CCN5: variants seen among roughly 807,000 people sequenced by gnomAD.
CCN5 encodes the protein cellular communication network factor 5.
Under a neutral mutation model 18.7 loss-of-function variants are expected in CCN5, and 17 were observed. The ratio of observed to expected loss-of-function variants is 0.91; its 90% CI spans 0.62 to 1.36. The LOEUF (loss-of-function observed/expected upper bound fraction) is 1.36, where lower values mean the gene tolerates loss of function less well. Ranked by LOEUF, CCN5 falls within the 40% of genes most tolerant of loss-of-function variation. The probability of loss-of-function intolerance (pLI) is 0.00; values close to 1 mark genes in which losing one functional copy is unlikely to be tolerated. For synonymous variants in CCN5, 135 were observed against 145.2 expected, an observed-to-expected ratio of 0.93 and a Z score of 0.50; for missense variants, 367 against 342.9, an observed-to-expected ratio of 1.07 and a Z score of -0.56.
chr20:44,718,961 CTGATG>C lies in CCN5; in HGVS notation c.61-929_61-925del, dbSNP rs2065878913. Reference sequence around the variant, plus strand: ...GTCTGTATTTTCCCAAGTCTCCTGGCTGATGTGATGTACCTCCAGAGCTGGGACAC... The same window carrying C: ...GTCTGTATTTTCCCAAGTCTCCTGGCTGATGTACCTCCAGAGCTGGGACAC... On this transcript the variant is annotated intron_variant, in intron 1 of 3. Coordinates refer to ENST00000190983, the MANE Select transcript of CCN5 (RefSeq NM_003881.4). Among the ~76,000 whole-genome samples the C allele has an allele frequency of 2.0e-5, 3 of 152,184 alleles. No homozygotes were observed. The South Asian group carries it at 6.2e-4, about 32-fold the overall frequency.
At chr20:44,720,366 C>A in intron 2 of CCN5, 1 of 523,660 alleles carries the variant, frequency 1.9e-6, no homozygotes, top group Non-Finnish European at 3.3e-6. Context: ...TCATTGCCAA[C>A]TTTCAAAGCC....
upstream of CCN5, chr20:44,715,224 T>A: frequency 1.8e-6 from 1 of 555,640 alleles, no homozygotes; most frequent in Non-Finnish European, 3.1e-6. Flanking sequence ...AAAAAGCTAG[T>A]GTGTTTGTGT....
intron 1 of CCN5, among the ~76,000 whole-genome samples, chr20:44,717,885 GAAA>G (rs60571299): frequency 1.1e-5 from 1 of 90,208 alleles, no homozygotes. Context: ...TCTCAAAAAA[GAAA>G]AAAAAAAAAA....
At chr20:44,715,913 G>C (rs2065856752) in intron 1 of CCN5, among the ~76,000 whole-genome samples, 1 of 152,248 alleles carries the variant, frequency 6.6e-6, no homozygotes, top group African/African-American at 2.4e-5. Flanking sequence ...CTCTTAGGCA[G>C]TGAGTGACCC....
chr20:44,715,140 G>A (rs2065846699), upstream of CCN5: 1 of 520,212 alleles, frequency 1.9e-6, no homozygotes, highest in Non-Finnish European at 3.5e-6. Context: ...CCCCTTGGTG[G>A]CCTTCACAGT....
chr20:44,720,229 T>A (rs1349290247), intron 2 of CCN5, 116 bp downstream of exon 2: 1 of 1,110,872 alleles, frequency 9.0e-7, no homozygotes, highest in Non-Finnish European at 1.3e-6. Flanking sequence ...TCACTTCAGG[T>A]ATCCCATCCA....
At position 44,727,550 on chromosome 20, in the gene CCN5, A is replaced by C; in HGVS notation, c.*243A>C. 1.5e-6 allele frequency: 2 copies of C among 1,364,536 alleles called. No homozygotes were observed. The highest frequency in any genetic ancestry group is 1.9e-6 in the Non-Finnish European group (2 of 1,057,048). The allele number at this position is 1,364,536 out of a possible 1,614,324, so 84.5% of individuals were successfully genotyped here. A position where few individuals can be genotyped will look rare whatever the true frequency, so the allele number is the denominator to read the frequency against. On this transcript the variant is annotated 3_prime_UTR_variant, in exon 4 of 4. Coordinates refer to ENST00000190983, the MANE Select transcript of CCN5 (RefSeq NM_003881.4). ...AACTCACTGCCTAGGAGGCTGGCCA[A>C]GGTGTCCAGGGTCCTCTAGCCCACT... is the stretch of plus-strand genomic sequence containing the variant.
chr20:44,727,220 C>T lies in CCN5; in HGVS notation c.666C>T (p.Phe222=), dbSNP rs1259604903. The T allele has an allele frequency of 6.2e-7, 1 of 1,613,780 alleles. No individual in the cohort carries two copies. The highest frequency in any genetic ancestry group is 1.3e-5 in the African/African-American group (1 of 75,066). ...CCCGGGTGTCCAACCAGAACCGCTTCTGCCGACTGGAGACCCAGCGCCGCC... is the reference window on the plus strand; with the variant it reads ...CCCGGGTGTCCAACCAGAACCGCTTTTGCCGACTGGAGACCCAGCGCCGCC... ...MATRVSNQNR[F]CRLETQRRLC... The change falls in exon 4 of 4, where the codon TTC becomes TTT. Residue 222 remains phenylalanine (F), a synonymous_variant. Transcript: ENST00000190983.
chr20:44,727,113 T>A lies in CCN5; in HGVS notation c.559T>A (p.Ser187Thr), dbSNP rs1425026800. The A allele has an allele frequency of 6.2e-7, 1 of 1,602,908 alleles. No homozygotes were observed. The highest frequency in any genetic ancestry group is 1.7e-5 in the Admixed American group (1 of 59,186). Residue 187 changes from serine to threonine, a missense_variant, in exon 4 of 4, where the codon TCC (serine) becomes ACC (threonine). Physicochemically the swap from Ser to Thr is moderately conservative, Grantham distance 58 (BLOSUM62 1). Transcript: ENST00000190983. ...QGPQFSGLVS[S>T]LPPGVPCPEW... Reference sequence around the variant, plus strand: ...ACCCCAGTTTTCTGGCCTTGTCTCTTCCCTGCCCCCTGGTGTCCCCTGCCC... The same window carrying A: ...ACCCCAGTTTTCTGGCCTTGTCTCTACCCTGCCCCCTGGTGTCCCCTGCCC...
intron 1 of CCN5, among the ~76,000 whole-genome samples, chr20:44,715,720 T>C (rs1306906792): frequency 6.6e-6 from 1 of 152,250 alleles, no homozygotes; most frequent in South Asian, 2.1e-4. Flanking sequence ...GTGAGGCCTC[T>C]GTGAAGACCA....
chr20:44,723,056 C>T (rs970386220), intron 2 of CCN5, among the ~76,000 whole-genome samples: 1 of 152,120 alleles, frequency 6.6e-6, no homozygotes, highest in African/African-American at 2.4e-5. Flanking sequence ...AAAGTCCCCA[C>T]AGTGGCCTAC....
At position 44,720,050 on chromosome 20, in the gene CCN5, G is replaced by A. The variant is rs373038924; in HGVS notation, c.214G>A (p.Ala72Thr). 1.9e-5 allele frequency: 30 copies of A among 1,590,582 alleles called. No homozygotes were observed. The highest frequency in any genetic ancestry group is 1.4e-4 in the East Asian group (6 of 44,332). ...EPCDQLHVCD[A>T]SQGLVCQPGA... The stretch of plus-strand genomic sequence containing the variant: ...CTGCGACCAACTCCACGTCTGCGAC[G>A]CCAGCCAGGGCCTGGTCTGCCAGCC... The change falls in exon 2 of 4, where the codon GCC becomes ACC. Residue 72 changes from alanine to threonine, a missense_variant. Ala to Thr is a moderately conservative substitution (Grantham distance 58). Coordinates refer to ENST00000190983, the MANE Select transcript of CCN5 (RefSeq NM_003881.4).
intron 2 of CCN5, chr20:44,723,952 CAG>C (rs1238302288): frequency 6.6e-6 from 1 of 152,272 alleles, no homozygotes; most frequent in Non-Finnish European, 1.5e-5. Flanking sequence ...CCGGAGGGTG[CAG>C]AGACGCACAC....
intron 2 of CCN5, among the ~76,000 whole-genome samples, chr20:44,722,630 C>T (rs1378977521): frequency 2.0e-5 from 3 of 152,042 alleles, no homozygotes; most frequent in African/African-American, 4.8e-5. Context: ...CCATGCCTCG[C>T]TAATTTTTGT....
chr20:44,726,119 G>A lies in CCN5; in HGVS notation c.533-968G>A, dbSNP rs909269157. ...ACAATAAGAGCATCCACTTCATAGC[G>A]TTGTGAGAACTACTTGAGTTTGTTC... On this transcript the variant is annotated intron_variant, in intron 3 of 3. Coordinates refer to ENST00000190983, the MANE Select transcript of CCN5 (RefSeq NM_003881.4). Among the ~76,000 whole-genome samples the A allele has an allele frequency of 8.5e-5, 13 of 152,258 alleles. No homozygotes were observed. The South Asian group carries it at 1.2e-3, about 15-fold the overall frequency.
chr20:44,715,322 C>T (rs6094025), upstream of CCN5: 1 of 1,516,098 alleles, frequency 6.6e-7, no homozygotes, highest in African/African-American at 1.4e-5. Context: ...TGGGAGTGAC[C>T]TCACAGCTGC....
rs73286424 is a variant in CCN5, at chr20:44,726,452, G to T, written c.533-635G>T. Among the ~76,000 whole-genome samples the T allele has an allele frequency of 2.5e-3, 379 of 152,188 alleles. 2 individuals carry two copies. The highest frequency in any genetic ancestry group is 0.01 in the Middle Eastern group (3 of 294). On this transcript the variant is annotated intron_variant, in intron 3 of 3. Coordinates refer to ENST00000190983, the MANE Select transcript of CCN5 (RefSeq NM_003881.4). ...GGGCAAGTAATTATTTGTTGGGGGGGTTTTCCTGTGCACTGCAGGGTGCTT... is the reference window on the plus strand; with the variant it reads ...GGGCAAGTAATTATTTGTTGGGGGGTTTTTCCTGTGCACTGCAGGGTGCTT...
Position 44,726,945 on chromosome 20 carries a change from G to A in CCN5, c.533-142G>A, listed in dbSNP as rs546205299. The stretch of plus-strand genomic sequence containing the variant: ...ATTATTTTATTCAATGCCATCCACT[G>A]TTAAGAAATTTACATAACAAGAAAC... On this transcript the variant is annotated intron_variant, in intron 3 of 3. Transcript: ENST00000190983. The A allele has an allele frequency of 1.3e-4, 102 of 807,096 alleles. No homozygotes were observed. In the East Asian group the frequency reaches 2.4e-3, roughly 19 times the overall value. 50.0% of individuals were successfully genotyped at this position (807,096 alleles called of 1,614,324 possible). A position where few individuals can be genotyped will look rare whatever the true frequency, so the allele number is the denominator to read the frequency against.
At chr20:44,726,586 C>T (rs1450853470) in intron 3 of CCN5, among the ~76,000 whole-genome samples, 1 of 152,002 alleles carries the variant, frequency 6.6e-6, no homozygotes, top group African/African-American at 2.4e-5. Context: ...GCAAAATTAC[C>T]CTAGTTGAGG....
Sources: allele counts gnomAD v4.1 joint callset (sites outside exome capture counted in the v4.1 genomes callset), GRCh38; gene constraint gnomAD v4.1.1; transcripts MANE v1.5; gene names NCBI Gene and HGNC (gene_info 2026-07-23, HGNC 2026-07-21).